Variants in FANCI observed in about 807,000 individuals in gnomAD.
FANCI encodes the protein Fanconi anemia group I protein.
In FANCI, 156 loss-of-function variants were observed where a neutral mutation model predicts 176.1. The observed-to-expected ratio is 0.89, with a 90% CI of 0.78 to 1.01. The LOEUF (loss-of-function observed/expected upper bound fraction) is 1.01, where lower values mean the gene tolerates loss of function less well. FANCI is among the 50% of genes least tolerant of loss of function. The pLI is 0.00. For synonymous variants in FANCI, 613 were observed against 541.7 expected (o/e 1.13, Z -1.83); for missense variants, 1,678 against 1,534.1 (o/e 1.09, Z -1.57).
intron 24 of FANCI, among the ~76,000 whole-genome samples, chr15:89,298,314 TAAA>T (rs2054390501): frequency 6.6e-6 from 1 of 152,100 alleles, no homozygotes; most frequent in Non-Finnish European, 1.5e-5. Context: ...CAAACAGAAT[TAAA>T]GAAGAAAGCA....
At chr15:89,313,694 T>C (rs1383238793) in intron 35 of FANCI, among the ~76,000 whole-genome samples, 1 of 152,108 alleles carries the variant, frequency 6.6e-6, no homozygotes, top group African/African-American at 2.4e-5. Context: ...TACAGGCCTG[T>C]GTACAGGATG....
rs1337260318 is a variant in FANCI at position 89,305,708 on chromosome 15, G to A, written c.3349+10G>A. 6.2e-7 allele frequency: 1 copy of A among 1,612,886 alleles called. No individual in the cohort carries two copies. Among genetic ancestry groups the A allele is most frequent in the East Asian group, 2.2e-5 (1 of 44,876 alleles). On this transcript the variant is annotated intron_variant, in intron 31 of 37. Transcript: ENST00000310775. ...CAAGAAACCTTATCAGGTAAGATAA[G>A]TTCAACTGGGATTCCAGGAATTGAC...
In FANCI at chr15:89,264,017, C is replaced by T; in HGVS notation, c.660C>T (p.Leu220=). The change falls in exon 8 of 38, where the codon CTC becomes CTT. Residue 220 remains leucine (L), a synonymous_variant. Coordinates refer to ENST00000310775, the MANE Select transcript of FANCI (RefSeq NM_001113378.2). ...IPPLVYQLLV[L]SSKGSRKSVL... Reference sequence around the variant, plus strand: ...CTTTGGTCTATCAGCTTCTGGTTCTCTCCTCCAAGGTACAAATGGAAAATT... The same window carrying T: ...CTTTGGTCTATCAGCTTCTGGTTCTTTCCTCCAAGGTACAAATGGAAAATT... 6.2e-7 allele frequency: 1 copy of T among 1,614,074 alleles called. No homozygotes were observed. The highest frequency in any genetic ancestry group is 8.5e-7 in the Non-Finnish European group (1 of 1,179,952).
chr15:89,291,513 T>A, intron 19 of FANCI, 100 bp from the exon 20 acceptor site: 1 of 917,270 alleles, frequency 1.1e-6, no homozygotes, highest in Non-Finnish European at 1.8e-6. Context: ...GAAATGTGTG[T>A]TAGAAGGCAT....
intron 6 of FANCI, among the ~76,000 whole-genome samples, chr15:89,262,226 G>A (rs1388799720): frequency 6.6e-6 from 1 of 152,038 alleles, no homozygotes; most frequent in Non-Finnish European, 1.5e-5. Flanking sequence ...TCACCCTGCT[G>A]CTGCATCTTT....
At chr15:89,291,014 A>G (rs527981900) in intron 19 of FANCI, among the ~76,000 whole-genome samples, 2 of 152,332 alleles carry the variant, frequency 1.3e-5, no homozygotes, top group South Asian at 4.1e-4. Context: ...CACACGTTTA[A>G]CAAAAATAGA....
At chr15:89,255,264 C>G (rs1273570197) in intron 2 of FANCI, among the ~76,000 whole-genome samples, 1 of 152,092 alleles carries the variant, frequency 6.6e-6, no homozygotes, top group Non-Finnish European at 1.5e-5. Context: ...GCATAAGGAC[C>G]ACAGAAATGG....
chr15:89,316,965 CAT>C lies in FANCI; in HGVS notation c.*507_*508del. The C allele has an allele frequency of 1.4e-6, 1 of 721,798 alleles. No individual in the cohort carries two copies. Among genetic ancestry groups the C allele is most frequent in the Non-Finnish European group, 2.5e-6 (1 of 393,104 alleles). The allele number at this position is 721,798 out of a possible 1,614,324, so 44.7% of individuals were successfully genotyped here. On this transcript the variant is annotated 3_prime_UTR_variant, in exon 38 of 38. Coordinates refer to ENST00000310775, the MANE Select transcript of FANCI (RefSeq NM_001113378.2). ...ACAATTGCCACGAACGGTAATGTTA[CAT>C]GTTAGGAGGGTCTGTTTTCTTTTTA...
intron 34 of FANCI, among the ~76,000 whole-genome samples, chr15:89,310,232 A>G (rs1027222586): frequency 6.6e-6 from 1 of 152,224 alleles, no homozygotes; most frequent in Admixed American, 6.5e-5. Flanking sequence ...AAAAGCAGCC[A>G]TAGATAACTT....
At chr15:89,299,358 C>T (rs1348983528) in intron 24 of FANCI, among the ~76,000 whole-genome samples, 4 of 152,060 alleles carry the variant, frequency 2.6e-5, no homozygotes, top group East Asian at 3.8e-4. Flanking sequence ...CAAATTCTTC[C>T]AGGAAATAGG....
rs748175858 is a variant in FANCI at position 89,294,903 on chromosome 15, GTC to G, written c.2457-4_2457-3del. 11 of 1,549,452 alleles carry G rather than the reference GTC, an allele frequency of 7.1e-6. 1 individual carries two copies. The highest frequency in any genetic ancestry group is 3.6e-5 in the South Asian group (3 of 83,776). On this transcript the variant is annotated splice_polypyrimidine_tract_variant and intron_variant, in intron 23 of 37. Coordinates refer to ENST00000310775, the MANE Select transcript of FANCI (RefSeq NM_001113378.2). ...TCTTCCTTTTTCTTTCTCTCTCTCTGTCTCTCTCTAGGGATAGTATCCAAAGC... is the reference window on the plus strand; with the variant it reads ...TCTTCCTTTTTCTTTCTCTCTCTCTGTCTCTCTAGGGATAGTATCCAAAGC...
At chr15:89,310,795 CTT>C (rs1426588357) in intron 34 of FANCI, among the ~76,000 whole-genome samples, 1 of 152,232 alleles carries the variant, frequency 6.6e-6, no homozygotes, top group African/African-American at 2.4e-5. Flanking sequence ...TGCTGCAACT[CTT>C]AGCATCCTGC....
At position 89,293,865 on chromosome 15, in the gene FANCI, T is replaced by C. The variant is rs1479124599; in HGVS notation, c.2324T>C (p.Phe775Ser). The C allele has an allele frequency of 6.2e-7, 1 of 1,614,136 alleles. No individual in the cohort carries two copies. The highest frequency in any genetic ancestry group is 2.2e-5 in the East Asian group (1 of 44,872). ...KNRFEDILSL[F>S]MCYKKLSDIL... ...AGGTTTGAGGACATTCTGAGCTTAT[T>C]TATGTGTTACAAAAAACTCTCTGAC... Residue 775 changes from phenylalanine to serine, a missense_variant, in exon 23 of 38, where the codon TTT becomes TCT. By Grantham distance (155) the Phe-to-Ser change is radical. Around this residue, in one of 3 missense-constraint regions of FANCI, gnomAD observed 1,204 missense variants for 1,077.4 expected, o/e 1.12. Transcript: ENST00000310775.
At chr15:89,303,393 G>C (rs1483352418) in intron 27 of FANCI, among the ~76,000 whole-genome samples, 3 of 152,138 alleles carry the variant, frequency 2.0e-5, no homozygotes, top group African/African-American at 7.2e-5. Context: ...CTGGTTTCTT[G>C]CCTCTTTTAT....
intron 1 of FANCI, chr15:89,245,353 T>G: frequency 2.3e-5 from 3 of 130,198 alleles, no homozygotes; most frequent in East Asian, 2.4e-4. Context: ...TTTTTTTTTT[T>G]TTTTTTTTTT....
rs61231618 is a variant in FANCI, at chr15:89,280,010, T to C, written c.1382-1160T>C. 3.5e-3 allele frequency among the ~76,000 whole-genome samples: 531 copies of C among 152,278 alleles called. 4 individuals carry two copies. Among genetic ancestry groups the C allele is most frequent in the African/African-American group, 0.012 (511 of 41,570 alleles). On this transcript the variant is annotated intron_variant, in intron 14 of 37. Transcript: ENST00000310775. ...AATCATCAATATGTTCTTTAGTAAA[T>C]TGTCAGCTCTTTTTGTTTGTTTGTT...
chr15:89,295,026 A>G lies in FANCI; in HGVS notation c.2568A>G (p.Thr856=), dbSNP rs1370679890. 1.3e-6 allele frequency: 2 copies of G among 1,552,188 alleles called. No homozygotes were observed. The highest frequency in any genetic ancestry group is 1.7e-6 in the Non-Finnish European group (2 of 1,147,138). The part of the protein sequence containing the change: ...ALQKVQQLKE[T]GHVSGPDGQN... ...AGAAAGTACAGCAGCTAAAGGAAAC[A>G]GGGCATGTGAGTGGCCCTGATGGCC... The change falls in exon 24 of 38, where the codon ACA becomes ACG. Residue 856 remains threonine, a synonymous_variant. Transcript: ENST00000310775.
rs1424328692 is a variant in FANCI at position 89,300,399 on chromosome 15, C to T, written c.2889+14C>T. 2 of 1,610,894 alleles carry T rather than the reference C, an allele frequency of 1.2e-6. No homozygotes were observed. The highest frequency in any genetic ancestry group is 2.2e-5 in the East Asian group (1 of 44,858). ...CGGCAATTTCAGGTGAGAAGCCTTG[C>T]AAAGCTGCTGTACTGGCCTGAGAGG... is the stretch of plus-strand genomic sequence containing the variant. On this transcript the variant is annotated intron_variant, in intron 26 of 37. Coordinates refer to ENST00000310775, the MANE Select transcript of FANCI (RefSeq NM_001113378.2).
At position 89,283,256 on chromosome 15, in the gene FANCI, G is replaced by T. The variant is rs762886638; in HGVS notation, c.1698+6G>T. 2 of 1,613,850 alleles carry T rather than the reference G, an allele frequency of 1.2e-6. No homozygotes were observed. Among genetic ancestry groups the T allele is most frequent in the African/African-American group, 2.7e-5 (2 of 74,938 alleles). On this transcript the variant is annotated splice_donor_region_variant and intron_variant, in intron 17 of 37. Transcript: ENST00000310775. ...AGTCTCTCAGTGTCAGTCAGGTAAGGATTATTTACGTTAACTTGCAGTGTG... is the reference window on the plus strand; with the variant it reads ...AGTCTCTCAGTGTCAGTCAGGTAAGTATTATTTACGTTAACTTGCAGTGTG...
Sources: allele counts gnomAD v4.1 joint callset (sites outside exome capture counted in the v4.1 genomes callset), GRCh38; gene constraint gnomAD v4.1.1; regional missense constraint gnomAD v4.1.1; transcripts MANE v1.5; gene names NCBI Gene and HGNC (gene_info 2026-07-23, HGNC 2026-07-21).